The following GPATCH2 variants were observed in gnomAD, a reference collection of about 807,000 sequenced individuals.
GPATCH2 encodes G patch domain-containing protein 2.
A neutral mutation model predicts 58.0 loss-of-function variants in GPATCH2; 51 were observed. The ratio of observed to expected loss-of-function variants is 0.88; its 90% CI spans 0.70 to 1.11. The LOEUF (loss-of-function observed/expected upper bound fraction) is 1.11, where lower values mean the gene tolerates loss of function less well. Ranked by LOEUF, GPATCH2 falls within the 50% of genes most tolerant of loss-of-function variation. GPATCH2 has a pLI of 0.00. For synonymous variants in GPATCH2, 222 were observed against 218.5 expected (o/e 1.02, Z -0.14); for missense variants, 625 against 652.2 (o/e 0.96, Z 0.45).
chr1:217,630,945 C>T lies in GPATCH2; in HGVS notation c.27G>A (p.Pro9=), dbSNP rs1040653895. The T allele has an allele frequency of 6.3e-7, 1 of 1,589,674 alleles. No individual in the cohort carries two copies. The highest frequency in any genetic ancestry group is 8.5e-7 in the Non-Finnish European group (1 of 1,173,128). Residue 9 remains proline, a synonymous_variant, in exon 1 of 10, where the codon CCG becomes CCA. Coordinates refer to ENST00000366935, the MANE Select transcript of GPATCH2 (RefSeq NM_018040.5). ...TGTTCCCGGCTGCTGGAGCTCCGAT[C>T]GGTTGGCGCCCGGCGGCCCCGAACA... MFGAAGRQ[P]IGAPAAGNSW...
chr1:217,457,986 G>C (rs1364022056), intron 8 of GPATCH2, among the ~76,000 whole-genome samples: 1 of 152,160 alleles, frequency 6.6e-6, no homozygotes, highest in Non-Finnish European at 1.5e-5. Context: ...CCAGCACTTT[G>C]AGAGGCCGAG....
chr1:217,579,736 T>C (rs1003895478), intron 5 of GPATCH2, among the ~76,000 whole-genome samples: 1 of 152,186 alleles, frequency 6.6e-6, no homozygotes, highest in Admixed American at 6.5e-5. Context: ...TGGATTTTCA[T>C]TGAGAATCCA....
In GPATCH2 at chr1:217,590,382, C is replaced by T. The variant is rs536855660; in HGVS notation, c.1098+19939G>A. On this transcript the variant is annotated intron_variant, in intron 5 of 9. Transcript: ENST00000366935. The stretch of plus-strand genomic sequence containing the variant: ...ATCAGGAAAACAGCTCAAAATGCAA[C>T]CATCTCATTTCCCACATTATATACT... 4.9e-4 allele frequency among the ~76,000 whole-genome samples: 75 copies of T among 152,158 alleles called. 1 individual carries two copies. The South Asian group carries it at 0.015, about 30-fold the overall frequency.
At position 217,430,433 on chromosome 1, in the gene GPATCH2, T is replaced by C. The variant is rs1263948226; in HGVS notation, c.*712A>G. 1.3e-5 allele frequency: 2 copies of C among 152,214 alleles called. No individual in the cohort carries two copies. The highest frequency in any genetic ancestry group is 4.8e-5 in the African/African-American group (2 of 41,452). 9.4% of individuals were successfully genotyped at this position (152,214 alleles called of 1,614,324 possible). On this transcript the variant is annotated 3_prime_UTR_variant, in exon 10 of 10. Transcript: ENST00000366935. ...ATACATTTTTCTTTCAATAATTATTTTATGTTCTAAATGAGGTAAAATTTA... is the reference window on the plus strand; with the variant it reads ...ATACATTTTTCTTTCAATAATTATTCTATGTTCTAAATGAGGTAAAATTTA...
At chr1:217,549,789 A>T (rs1665259234) in intron 5 of GPATCH2, among the ~76,000 whole-genome samples, 1 of 152,166 alleles carries the variant, frequency 6.6e-6, no homozygotes, top group African/African-American at 2.4e-5. Flanking sequence ...CAATCCATAA[A>T]CTAACAGGTC....
At chr1:217,548,474 C>T (rs1351977063) in intron 5 of GPATCH2, among the ~76,000 whole-genome samples, 2 of 152,164 alleles carry the variant, frequency 1.3e-5, no homozygotes, top group Non-Finnish European at 2.9e-5. Context: ...TCTCAATCTT[C>T]GCAAAATCAG....
intron 5 of GPATCH2, among the ~76,000 whole-genome samples, chr1:217,596,235 A>T (rs192328364): frequency 7.9e-5 from 12 of 152,346 alleles, no homozygotes; most frequent in Admixed American, 6.5e-4. Flanking sequence ...TATATTCATT[A>T]AATTGACCAA....
At chr1:217,524,463 G>A (rs1663706773) in intron 5 of GPATCH2, among the ~76,000 whole-genome samples, 1 of 151,980 alleles carries the variant, frequency 6.6e-6, no homozygotes, top group African/African-American at 2.4e-5. Flanking sequence ...CGGGGTGGCG[G>A]CCGGGCAGAG....
intron 5 of GPATCH2, among the ~76,000 whole-genome samples, chr1:217,524,712 C>G (rs895191465): frequency 1.3e-5 from 2 of 150,920 alleles, no homozygotes; most frequent in African/African-American, 2.4e-5. Context: ...AATACGAAAA[C>G]CAGTCAGGCG....
At chr1:217,499,164 A>G (rs1364763649) in intron 6 of GPATCH2, among the ~76,000 whole-genome samples, 5 of 152,176 alleles carry the variant, frequency 3.3e-5, no homozygotes, top group Non-Finnish European at 7.3e-5. Flanking sequence ...AGATTGAGAG[A>G]GGTATTATGG....
chr1:217,580,510 TTTCCCCGTTATCTCAA>T (rs1667021943), intron 5 of GPATCH2, among the ~76,000 whole-genome samples: 2 of 152,248 alleles, frequency 1.3e-5, no homozygotes, highest in East Asian at 3.9e-4. Context: ...TGGTGAAAAT[TTTCCCCGTTATCTCAA>T]AATGGCAGCA....
rs1183790856 is a variant in GPATCH2 at position 217,620,096 on chromosome 1, C to T, written c.460G>A (p.Gly154Arg). The T allele has an allele frequency of 2.5e-6, 4 of 1,613,956 alleles. No homozygotes were observed. Among genetic ancestry groups the T allele is most frequent in the Non-Finnish European group, 3.4e-6 (4 of 1,180,026 alleles). Reference protein sequence around the residue: ...HESDFAVDNVGNRTLRRRRKV... With the variant: ...HESDFAVDNVRNRTLRRRRKV... ...CTCCTCCTGCGCAGAGTTCTATTCC[C>T]AACATTGTCCACAGCAAAATCAGAC... is the stretch of plus-strand genomic sequence containing the variant. Residue 154 changes from glycine (G) to arginine (R), a missense_variant, in exon 2 of 10, where the codon GGG (glycine) becomes AGG (arginine). Physicochemically the swap from Gly to Arg is moderately radical, Grantham distance 125 (BLOSUM62 -2). Transcript: ENST00000366935.
At chr1:217,486,067 T>C (rs1366790444) in intron 8 of GPATCH2, among the ~76,000 whole-genome samples, 1 of 152,202 alleles carries the variant, frequency 6.6e-6, no homozygotes, top group Admixed American at 6.5e-5. Context: ...TTCTATAAAA[T>C]TGCCTGCTGG....
chr1:217,622,352 C>A (rs563598217), intron 1 of GPATCH2, among the ~76,000 whole-genome samples: 1 of 152,180 alleles, frequency 6.6e-6, no homozygotes, highest in East Asian at 1.9e-4. Flanking sequence ...CATGGCATTG[C>A]GGTTTGGTTA....
At chr1:217,585,998 T>A (rs1261142016) in intron 5 of GPATCH2, among the ~76,000 whole-genome samples, 1 of 152,074 alleles carries the variant, frequency 6.6e-6, no homozygotes, top group East Asian at 1.9e-4. Flanking sequence ...TAATAAAAAA[T>A]ATGATATAAA....
At chr1:217,612,686 C>A (rs945547176) in intron 3 of GPATCH2, among the ~76,000 whole-genome samples, 1 of 152,072 alleles carries the variant, frequency 6.6e-6, no homozygotes, top group Non-Finnish European at 1.5e-5. Context: ...AACACTATTA[C>A]AGAAAAATAA....
At position 217,603,345 on chromosome 1, in the gene GPATCH2, G is replaced by T. The variant is rs199777300; in HGVS notation, c.1098+6976C>A. 3.9e-5 allele frequency among the ~76,000 whole-genome samples: 6 copies of T among 152,190 alleles called. No homozygotes were observed. The East Asian group carries it at 1.2e-3, about 29-fold the overall frequency. Reference sequence around the variant, plus strand: ...ACCTGTTTATATAGTTTTTCCTAAAGGGTTTTCAAGACTAAATATGGAGAA... The same window carrying T: ...ACCTGTTTATATAGTTTTTCCTAAATGGTTTTCAAGACTAAATATGGAGAA... On this transcript the variant is annotated intron_variant, in intron 5 of 9. Transcript: ENST00000366935.
At chr1:217,622,214 T>C (rs1669222334) in intron 1 of GPATCH2, among the ~76,000 whole-genome samples, 1 of 151,272 alleles carries the variant, frequency 6.6e-6, no homozygotes, top group African/African-American at 2.4e-5. Context: ...TGGTTTTGAA[T>C]AGAAAAAAGA....
chr1:217,555,379 T>C (rs1665568869), intron 5 of GPATCH2, among the ~76,000 whole-genome samples: 1 of 152,184 alleles, frequency 6.6e-6, no homozygotes, highest in Non-Finnish European at 1.5e-5. Flanking sequence ...TTACAAGTGG[T>C]TTCATATACA....
Sources: gnomAD v4.1 joint callset for allele counts (sites outside exome capture counted in the v4.1 genomes callset) on GRCh38, gnomAD v4.1.1 for gene constraint, MANE v1.5 for transcripts, NCBI Gene and HGNC (gene_info 2026-07-23, HGNC 2026-07-21) for gene names.